The following KPNA3 variants were observed in gnomAD, a reference collection of about 807,000 sequenced individuals.
The protein encoded by KPNA3 is karyopherin subunit alpha 3.
In KPNA3, 13 loss-of-function variants were observed where a neutral mutation model predicts 73.8. The observed-to-expected ratio is 0.18, with a 90% confidence interval of 0.11 to 0.28. The LOEUF (loss-of-function observed/expected upper bound fraction) is 0.28, where lower values mean the gene tolerates loss of function less well. KPNA3 is among the 10% of genes least tolerant of loss of function. KPNA3 has a pLI of 1.00. For synonymous variants in KPNA3, 186 were observed against 206.9 expected, an observed-to-expected ratio of 0.90 and a Z score of 0.87; for missense variants, 360 against 618.1, an observed-to-expected ratio of 0.58 and a Z score of 4.43.
At chr13:49,746,474 C>G (rs943878294) in intron 2 of KPNA3, among the ~76,000 whole-genome samples, 3 of 151,442 alleles carry the variant, frequency 2.0e-5, no homozygotes, top group Non-Finnish European at 4.4e-5. Flanking sequence ...AACGCTGTCT[C>G]AAAAAAAGAA....
chr13:49,716,126 T>G (rs948423947), intron 10 of KPNA3, among the ~76,000 whole-genome samples: 2 of 152,196 alleles, frequency 1.3e-5, no homozygotes, highest in African/African-American at 2.4e-5. Flanking sequence ...AGCTGGGTGT[T>G]AGGCACCCTG....
intron 1 of KPNA3, among the ~76,000 whole-genome samples, chr13:49,786,772 C>A (rs1017757864): frequency 6.6e-6 from 1 of 152,132 alleles, no homozygotes; most frequent in Non-Finnish European, 1.5e-5. Context: ...GGTCTTACAA[C>A]TATGTGTGGC....
rs1473085543 is a variant in KPNA3, at chr13:49,699,557, C to T, written c.*2243G>A. The T allele has an allele frequency of 6.6e-6, 1 of 152,560 alleles. No individual in the cohort carries two copies. The highest frequency in any genetic ancestry group is 2.4e-5 in the African/African-American group (1 of 41,426). 9.5% of individuals were successfully genotyped at this position (152,560 alleles called of 1,614,324 possible). ...AATTCCAATTCAAAACTGGTAAGGT[C>T]ACAAATTGAATCAAGGAAATGCATA... On this transcript the variant is annotated 3_prime_UTR_variant, in exon 17 of 17. Coordinates refer to ENST00000261667, the MANE Select transcript of KPNA3 (RefSeq NM_002267.4).
In KPNA3 at chr13:49,721,083, G is replaced by GTGGC. The variant is rs1245957814; in HGVS notation, c.726+868_726+871dup. Among the ~76,000 whole-genome samples, 3 of 152,160 alleles carry GTGGC rather than the reference G, an allele frequency of 2.0e-5. No homozygotes were observed. In the South Asian group the frequency reaches 6.2e-4, roughly 32 times the overall value. ...AAAATACAAAAACTAGCCGGGTGTGGTGGCGCTGGCCTGTAATCCCAGCTA... is the reference window on the plus strand; with the variant it reads ...AAAATACAAAAACTAGCCGGGTGTGGTGGCTGGCGCTGGCCTGTAATCCCAGCTA... On this transcript the variant is annotated intron_variant, in intron 9 of 16. Coordinates refer to ENST00000261667, the MANE Select transcript of KPNA3 (RefSeq NM_002267.4).
In KPNA3 at chr13:49,702,391, C is replaced by T. The variant is rs1188185296; in HGVS notation, c.1462G>A (p.Asp488Asn). The T allele has an allele frequency of 7.0e-7, 1 of 1,438,244 alleles. No homozygotes were observed. Among genetic ancestry groups the T allele is most frequent in the Non-Finnish European group, 9.7e-7 (1 of 1,027,310 alleles). The allele number at this position is 1,438,244 out of a possible 1,614,324, so 89.1% of individuals were successfully genotyped here. A position where few individuals can be genotyped will look rare whatever the true frequency, so the allele number is the denominator to read the frequency against. Residue 488 changes from aspartate (D) to asparagine (N), a missense_variant, in exon 16 of 17, where the codon GAT (aspartate) becomes AAT (asparagine). Physicochemically the swap from Asp to Asn is conservative, Grantham distance 23. Transcript: ENST00000261667. ...CTATTTTAATATCTACTTACATCAT[C>T]ACCAGAGAAATACTGATCTATGATT... The part of the protein sequence containing the change: ...FEIIDQYFSG[D>N]DIDEDPCLIP...
intron 1 of KPNA3, among the ~76,000 whole-genome samples, chr13:49,769,771 C>G (rs1954838429): frequency 1.3e-5 from 2 of 152,302 alleles, no homozygotes; most frequent in South Asian, 4.1e-4. Flanking sequence ...CTTTTGGACA[C>G]ATACCTAAGA....
At position 49,732,631 on chromosome 13, in the gene KPNA3, G is replaced by C; in HGVS notation, c.261C>G (p.Val87=). 1 of 1,611,314 alleles carries C rather than the reference G, an allele frequency of 6.2e-7. No individual in the cohort carries two copies. Among genetic ancestry groups the C allele is most frequent in the African/African-American group, 1.3e-5 (1 of 74,774 alleles). Reference sequence around the variant, plus strand: ...TTGCTGCCTGGACAGCACTCAATTGGACCACTGGGTTATCACTTGTGGCAT... The same window carrying C: ...TTGCTGCCTGGACAGCACTCAATTGCACCACTGGGTTATCACTTGTGGCAT... ...LQNATSDNPV[V]QLSAVQAARK... The change falls in exon 5 of 17, where the codon GTC becomes GTG. Residue 87 remains valine, a synonymous_variant. Coordinates refer to ENST00000261667, the MANE Select transcript of KPNA3 (RefSeq NM_002267.4).
At chr13:49,735,364 C>T (rs1313094748) in intron 2 of KPNA3, among the ~76,000 whole-genome samples, 3 of 152,078 alleles carry the variant, frequency 2.0e-5, no homozygotes, top group East Asian at 1.9e-4. Context: ...TCAGGTGATC[C>T]GCCCACCTCA....
chr13:49,709,206 G>A (rs549412233), intron 12 of KPNA3, among the ~76,000 whole-genome samples: 1 of 151,994 alleles, frequency 6.6e-6, no homozygotes, highest in Non-Finnish European at 1.5e-5. Flanking sequence ...TTCGAGACCA[G>A]CCTGGCCAAT....
chr13:49,707,797 A>G (rs1954221714), intron 12 of KPNA3, among the ~76,000 whole-genome samples: 1 of 152,108 alleles, frequency 6.6e-6, no homozygotes, highest in Admixed American at 6.5e-5. Context: ...CACTGGAACA[A>G]ATGTATCTAT....
chr13:49,756,966 T>C (rs1402109116), intron 1 of KPNA3, among the ~76,000 whole-genome samples: 1 of 152,176 alleles, frequency 6.6e-6, no homozygotes, highest in Non-Finnish European at 1.5e-5. Context: ...CAATAGACTT[T>C]TCAGCAAACA....
chr13:49,732,797 A>G (rs201622923), intron 3 of KPNA3, 21 bp from the exon 4 acceptor site: 1 of 1,517,124 alleles, frequency 6.6e-7, no homozygotes, highest in East Asian at 2.3e-5. Context: ...AAAAAAAAAT[A>G]GTTCAGCAGA....
intron 12 of KPNA3, among the ~76,000 whole-genome samples, chr13:49,706,637 T>A (rs569096735): frequency 6.6e-6 from 1 of 152,330 alleles, no homozygotes; most frequent in East Asian, 1.9e-4. Flanking sequence ...TTCTAGGAAA[T>A]GGTGATTTTA....
intron 7 of KPNA3, among the ~76,000 whole-genome samples, 178 bp downstream of exon 7, chr13:49,725,238 A>G (rs1305668849): frequency 6.6e-6 from 1 of 152,234 alleles, no homozygotes. Flanking sequence ...AATAACCACA[A>G]TTAAAAATTT....
At chr13:49,729,639 G>A (rs1406511927) in intron 6 of KPNA3, among the ~76,000 whole-genome samples, 1 of 152,080 alleles carries the variant, frequency 6.6e-6, no homozygotes, top group African/African-American at 2.4e-5. Context: ...AATTAGCTGG[G>A]CGTGGTGGCA....
At chr13:49,779,914 C>T (rs1247397459) in intron 1 of KPNA3, among the ~76,000 whole-genome samples, 1 of 152,126 alleles carries the variant, frequency 6.6e-6, no homozygotes, top group East Asian at 1.9e-4. Context: ...TTTGATACTG[C>T]AATTACTGCC....
chr13:49,784,597 G>A (rs1954967029), intron 1 of KPNA3, among the ~76,000 whole-genome samples: 1 of 152,134 alleles, frequency 6.6e-6, no homozygotes, highest in African/African-American at 2.4e-5. Context: ...ATACAAATTA[G>A]CCTTAATCAC....
rs561823794 is a variant in KPNA3, at chr13:49,744,177, G to A, written c.114+2772C>T. ...AATATTCATCAAGCTGGATACTTACGACGTGTGGACTTTTTGTATGTATGG... is the reference window on the plus strand; with the variant it reads ...AATATTCATCAAGCTGGATACTTACAACGTGTGGACTTTTTGTATGTATGG... On this transcript the variant is annotated intron_variant, in intron 2 of 16. Coordinates refer to ENST00000261667, the MANE Select transcript of KPNA3 (RefSeq NM_002267.4). 5.2e-4 allele frequency among the ~76,000 whole-genome samples: 79 copies of A among 152,198 alleles called. 1 individual carries two copies. The highest frequency in any genetic ancestry group is 8.7e-4 in the Non-Finnish European group (59 of 67,996).
At chr13:49,790,189 G>T (rs1261283963) in intron 1 of KPNA3, among the ~76,000 whole-genome samples, 3 of 152,174 alleles carry the variant, frequency 2.0e-5, no homozygotes, top group Non-Finnish European at 4.4e-5. Flanking sequence ...AGTTCCAGCT[G>T]GGTGTGACGA....
Sources: allele counts gnomAD v4.1 joint callset (sites outside exome capture counted in the v4.1 genomes callset), GRCh38; gene constraint gnomAD v4.1.1; transcripts MANE v1.5; gene names NCBI Gene and HGNC (gene_info 2026-07-23, HGNC 2026-07-21).